KIAA0319: variants seen among roughly 807,000 people sequenced by gnomAD.
The protein encoded by KIAA0319 is dyslexia-associated protein KIAA0319.
In KIAA0319, 83 loss-of-function variants were observed where a neutral mutation model predicts 108.4. The observed-to-expected ratio is 0.77, with a 90% CI of 0.64 to 0.92. KIAA0319 has a LOEUF of 0.92. Ranked by LOEUF, KIAA0319 falls within the 40% of genes least tolerant of loss-of-function variation. The probability of loss-of-function intolerance (pLI) is 0.00; values close to 1 mark genes in which losing one functional copy is unlikely to be tolerated. For synonymous variants in KIAA0319, 484 were observed against 510.4 expected (o/e 0.95, Z 0.70); for missense variants, 1,195 against 1,322.4 (o/e 0.90, Z 1.49).
chr6:24,579,789 A>C (rs1180835254), intron 8 of KIAA0319, 69 bp downstream of exon 8: 1 of 1,236,720 alleles, frequency 8.1e-7, no homozygotes, highest in African/African-American at 1.5e-5. Flanking sequence ...GCTTTGATGC[A>C]GAGCACTCAT....
intron 1 of KIAA0319, among the ~76,000 whole-genome samples, chr6:24,608,523 T>C (rs1026765723): frequency 1.2e-4 from 18 of 152,176 alleles, no homozygotes; most frequent in African/African-American, 4.3e-4. Context: ...TGAAATATAT[T>C]ATTTTTAAAA....
chr6:24,607,897 C>T (rs1342430272), intron 1 of KIAA0319, among the ~76,000 whole-genome samples: 1 of 152,164 alleles, frequency 6.6e-6, no homozygotes, highest in Non-Finnish European at 1.5e-5. Context: ...AATAACTTTG[C>T]AGTCCCCAAC....
At chr6:24,566,513 C>T (rs1031207806) in intron 14 of KIAA0319, 84 bp downstream of exon 14, 10 of 1,189,454 alleles carry the variant, frequency 8.4e-6, no homozygotes, top group Middle Eastern at 4.1e-4. Flanking sequence ...TTAGAATATA[C>T]CGTGATATAT....
intron 8 of KIAA0319, among the ~76,000 whole-genome samples, chr6:24,578,580 C>T (rs1180746358): frequency 6.6e-6 from 1 of 152,220 alleles, no homozygotes; most frequent in Non-Finnish European, 1.5e-5. Flanking sequence ...CTACAGCATA[C>T]TGATCATTTT....
chr6:24,598,874 AT>A lies in KIAA0319; in HGVS notation c.55+2174del, dbSNP rs1357358511. 4 of 322,002 alleles carry A rather than the reference AT, an allele frequency of 1.2e-5. No individual in the cohort carries two copies. In the East Asian group the frequency reaches 2.7e-4, roughly 22 times the overall value. The allele number at this position is 322,002 out of a possible 1,614,324, so 19.9% of individuals were successfully genotyped here. A position where few individuals can be genotyped will look rare whatever the true frequency, so the allele number is the denominator to read the frequency against. ...CTGGGTGACAGAGTGAGAAGACTGC[AT>A]TTAAAAAAAAAATAAAAAGTAAAAA... On this transcript the variant is annotated intron_variant, in intron 2 of 20. Transcript: ENST00000378214.
chr6:24,612,920 TCC>T (rs1772570895), intron 1 of KIAA0319, among the ~76,000 whole-genome samples: 1 of 152,078 alleles, frequency 6.6e-6, no homozygotes, highest in Non-Finnish European at 1.5e-5. Context: ...TGCCTCAGCC[TCC>T]CAAGTAGCTG....
chr6:24,584,731 T>C (rs1168165260), intron 4 of KIAA0319, among the ~76,000 whole-genome samples: 2 of 152,258 alleles, frequency 1.3e-5, no homozygotes, highest in Non-Finnish European at 2.9e-5. Flanking sequence ...GGCTGTATGG[T>C]AATTAGCAAT....
In KIAA0319 at chr6:24,595,759, A is replaced by G. The variant is rs532878218; in HGVS notation, c.801+114T>C. On this transcript the variant is annotated intron_variant, in intron 3 of 20. Coordinates refer to ENST00000378214, the MANE Select transcript of KIAA0319 (RefSeq NM_014809.4). ...CCTGAGACAGGTGCCCTTAGGCGGA[A>G]CCTCCTTAAGCTCATACAGCCTGAA... 2.5e-5 allele frequency: 29 copies of G among 1,170,144 alleles called. No homozygotes were observed. In the African/African-American group the frequency reaches 4.5e-4, roughly 18 times the overall value. 72.5% of individuals were successfully genotyped at this position (1,170,144 alleles called of 1,614,324 possible).
intron 20 of KIAA0319, 68 bp downstream of exon 20, chr6:24,551,366 T>C (rs1481598939): frequency 5.8e-6 from 6 of 1,039,978 alleles, no homozygotes; most frequent in Admixed American, 5.2e-5. Flanking sequence ...CTATCCAAGT[T>C]AGCCCTCAGG....
intron 1 of KIAA0319, among the ~76,000 whole-genome samples, chr6:24,616,096 T>C (rs1773104799): frequency 6.6e-6 from 1 of 152,194 alleles, no homozygotes; most frequent in Non-Finnish European, 1.5e-5. Flanking sequence ...GAAGACATTG[T>C]TTGTAGGTAT....
intron 2 of KIAA0319, chr6:24,598,394 C>T (rs1770075977): frequency 1.6e-6 from 1 of 611,232 alleles, no homozygotes; most frequent in Admixed American, 1.9e-5. Flanking sequence ...GTGCTGGAGA[C>T]CAACTGGAGC....
intron 3 of KIAA0319, among the ~76,000 whole-genome samples, chr6:24,590,920 A>G (rs1371009461): frequency 1.3e-5 from 2 of 152,198 alleles, no homozygotes; most frequent in Non-Finnish European, 2.9e-5. Context: ...TCAATCCTCT[A>G]TGGAAGCCAC....
intron 1 of KIAA0319, among the ~76,000 whole-genome samples, chr6:24,613,185 T>A (rs1156336794): frequency 6.6e-6 from 1 of 152,142 alleles, no homozygotes; most frequent in Non-Finnish European, 1.5e-5. Context: ...CTACTCGGCA[T>A]TAAGAGCTTC....
chr6:24,642,861 C>T (rs535082622), intron 1 of KIAA0319, among the ~76,000 whole-genome samples: 1 of 152,130 alleles, frequency 6.6e-6, no homozygotes, highest in Non-Finnish European at 1.5e-5. Flanking sequence ...GCGCCCACCA[C>T]TATGCCTGGC....
chr6:24,591,214 T>C (rs1174607654), intron 3 of KIAA0319, among the ~76,000 whole-genome samples: 1 of 152,194 alleles, frequency 6.6e-6, no homozygotes, highest in African/African-American at 2.4e-5. Context: ...TATGGACATG[T>C]TTTCTTTCTC....
chr6:24,608,249 C>T (rs1027043391), intron 1 of KIAA0319, among the ~76,000 whole-genome samples: 6 of 151,686 alleles, frequency 4.0e-5, no homozygotes, highest in Admixed American at 1.3e-4. Context: ...CTGAGGAACA[C>T]AAAAAAACCT....
chr6:24,643,249 G>A (rs774620099), intron 1 of KIAA0319, among the ~76,000 whole-genome samples: 6 of 152,086 alleles, frequency 3.9e-5, no homozygotes, highest in Non-Finnish European at 7.4e-5. Flanking sequence ...ACAAATAAAT[G>A]AGAAAATATT....
At position 24,547,288 on chromosome 6, in the gene KIAA0319, C is replaced by T; in HGVS notation, c.3096G>A (p.Glu1032=). The T allele has an allele frequency of 6.2e-7, 1 of 1,614,220 alleles. No individual in the cohort carries two copies. The highest frequency in any genetic ancestry group is 8.5e-7 in the Non-Finnish European group (1 of 1,180,014). ...AGATTGTGTCCTGGTCACTGTCAAA[C>T]TCAGACTCGGATACCATCAGGCTGG... ...HNSSLMVSES[E]FDSDQDTIFS... The change falls in exon 21 of 21, where the codon GAG becomes GAA. Residue 1032 remains glutamate (E), a synonymous_variant. Coordinates refer to ENST00000378214, the MANE Select transcript of KIAA0319 (RefSeq NM_014809.4).
intron 3 of KIAA0319, among the ~76,000 whole-genome samples, chr6:24,590,599 A>G (rs1405611490): frequency 6.6e-6 from 1 of 152,104 alleles, no homozygotes; most frequent in Non-Finnish European, 1.5e-5. Flanking sequence ...GGATGAATTG[A>G]ATTTTTTTTT....
Sources: gnomAD v4.1 joint callset for allele counts (sites outside exome capture counted in the v4.1 genomes callset) on GRCh38, gnomAD v4.1.1 for gene constraint, MANE v1.5 for transcripts, NCBI Gene and HGNC (gene_info 2026-07-23, HGNC 2026-07-21) for gene names.